The following RANBP17 variants were observed in gnomAD, a reference collection of about 807,000 sequenced individuals.
The protein encoded by RANBP17 is RAN binding protein 17.
In RANBP17, 158 loss-of-function variants were observed where a neutral mutation model predicts 141.2. The observed-to-expected ratio is 1.12, with a 90% CI of 0.98 to 1.28. The LOEUF (loss-of-function observed/expected upper bound fraction) is 1.28, where lower values mean the gene tolerates loss of function less well. Ranked by LOEUF, RANBP17 falls within the 50% of genes most tolerant of loss-of-function variation. The pLI, the probability that RANBP17 is intolerant of heterozygous loss-of-function variation, is 0.00. For synonymous variants in RANBP17, 430 were observed against 450.0 expected (o/e 0.96, Z 0.56); for missense variants, 1,438 against 1,290.7 (o/e 1.11, Z -1.75).
intron 25 of RANBP17, among the ~76,000 whole-genome samples, chr5:171,288,303 G>A (rs188904239): frequency 3.3e-5 from 5 of 152,308 alleles, no homozygotes; most frequent in East Asian, 3.9e-4. Context: ...ATCAGTAGGC[G>A]CCAAGGGTGT....
At chr5:170,880,466 C>T (rs1309073845) in intron 2 of RANBP17, among the ~76,000 whole-genome samples, 1 of 152,186 alleles carries the variant, frequency 6.6e-6, no homozygotes, top group Non-Finnish European at 1.5e-5. Flanking sequence ...ATTAACTCAT[C>T]ATCGGTAAAT....
Position 171,065,531 on chromosome 5 carries a change from G to A in RANBP17, c.1710+97154G>A, listed in dbSNP as rs1784260083. Among the ~76,000 whole-genome samples the A allele has an allele frequency of 3.3e-5, 5 of 152,118 alleles. No homozygotes were observed. The South Asian group carries it at 1.0e-3, about 32-fold the overall frequency. Reference sequence around the variant, plus strand: ...CTCATCTCCTGCTTTGTGACTCCCAGTTCCTAACAGGCTATGGACTGGTAC... The same window carrying A: ...CTCATCTCCTGCTTTGTGACTCCCAATTCCTAACAGGCTATGGACTGGTAC... On this transcript the variant is annotated intron_variant, in intron 14 of 27. Coordinates refer to ENST00000523189, the MANE Select transcript of RANBP17 (RefSeq NM_022897.5).
chr5:171,096,143 T>TAACTTTA (rs1252837208), intron 14 of RANBP17, among the ~76,000 whole-genome samples: 6 of 152,154 alleles, frequency 3.9e-5, no homozygotes, highest in African/African-American at 1.4e-4. Context: ...ATGTAACTTT[T>TAACTTTA]ATTGACAAAT....
At chr5:171,228,329 G>T (rs1167318092) in intron 22 of RANBP17, among the ~76,000 whole-genome samples, 1 of 152,162 alleles carries the variant, frequency 6.6e-6, no homozygotes, top group Admixed American at 6.5e-5. Context: ...AGACTTCAGG[G>T]GAGAAATTAA....
intron 14 of RANBP17, among the ~76,000 whole-genome samples, chr5:171,087,359 T>C (rs1785749421): frequency 6.6e-6 from 1 of 152,104 alleles, no homozygotes; most frequent in Admixed American, 6.5e-5. Context: ...TCTTTTACAT[T>C]TGCTGAGGAG....
intron 14 of RANBP17, among the ~76,000 whole-genome samples, chr5:170,979,323 G>A (rs1444929421): frequency 2.0e-5 from 3 of 152,064 alleles, no homozygotes; most frequent in Non-Finnish European, 4.4e-5. Flanking sequence ...TATTTAATTT[G>A]CAAAAGAAAT....
At chr5:171,053,907 ATATATATATATATATAT>A (rs1300752716) in intron 14 of RANBP17, among the ~76,000 whole-genome samples, 17 of 133,688 alleles carry the variant, frequency 1.3e-4, no homozygotes, top group African/African-American at 4.7e-4. Flanking sequence ...ATATATATAT[ATATATATATATATATAT>A]AATTGCTGTA....
At chr5:171,052,098 C>T (rs1782990947) in intron 14 of RANBP17, among the ~76,000 whole-genome samples, 1 of 151,918 alleles carries the variant, frequency 6.6e-6, no homozygotes, top group Non-Finnish European at 1.5e-5. Flanking sequence ...TAAATTGGGT[C>T]GTTTGACTTT....
chr5:171,036,539 C>G (rs1345255050), intron 14 of RANBP17, among the ~76,000 whole-genome samples: 1 of 152,104 alleles, frequency 6.6e-6, no homozygotes, highest in Non-Finnish European at 1.5e-5. Flanking sequence ...TGGAGTATGA[C>G]TGAACCCATC....
intron 25 of RANBP17, among the ~76,000 whole-genome samples, chr5:171,283,218 G>GT (rs1279117677): frequency 6.6e-6 from 1 of 152,134 alleles, no homozygotes; most frequent in East Asian, 1.9e-4. Flanking sequence ...CACTTAAACT[G>GT]TATCTTCTGC....
At chr5:171,086,119 C>T (rs1359310547) in intron 14 of RANBP17, among the ~76,000 whole-genome samples, 6 of 140,758 alleles carry the variant, frequency 4.3e-5, no homozygotes, top group African/African-American at 1.6e-4. Flanking sequence ...ATAGCTCTTA[C>T]TATTTTGAGA....
chr5:170,981,776 G>A (rs74449101), intron 14 of RANBP17, among the ~76,000 whole-genome samples: 1,644 of 152,108 alleles, frequency 0.011, 27 homozygotes, highest in African/African-American at 0.037. Context: ...ATGTATAAGC[G>A]GTATCTGTCT....
At chr5:171,152,188 G>C (rs1758533604) in intron 14 of RANBP17, among the ~76,000 whole-genome samples, 1 of 151,578 alleles carries the variant, frequency 6.6e-6, no homozygotes, top group Non-Finnish European at 1.5e-5. Context: ...CGAGGCAGGA[G>C]GATCACTTGA....
At chr5:170,968,439 A>C in intron 14 of RANBP17, 62 bp downstream of exon 14, 2 of 1,426,006 alleles carry the variant, frequency 1.4e-6, no homozygotes, top group Non-Finnish European at 2.0e-6. Flanking sequence ...GTACATATAT[A>C]ACTGAATGAT....
At chr5:170,902,194 A>G (rs1227409141) in intron 5 of RANBP17, among the ~76,000 whole-genome samples, 3 of 152,054 alleles carry the variant, frequency 2.0e-5, no homozygotes, top group African/African-American at 7.2e-5. Flanking sequence ...ACATAGTCCC[A>G]TATTTCTTGG....
At chr5:171,173,467 T>A (rs1443446419) in intron 16 of RANBP17, among the ~76,000 whole-genome samples, 1 of 152,084 alleles carries the variant, frequency 6.6e-6, no homozygotes, top group Non-Finnish European at 1.5e-5. Flanking sequence ...TGAAGTTTTT[T>A]AATGTTCTTT....
chr5:171,174,895 C>T (rs1198061823), intron 16 of RANBP17, among the ~76,000 whole-genome samples: 2 of 151,770 alleles, frequency 1.3e-5, no homozygotes, highest in Non-Finnish European at 2.9e-5. Flanking sequence ...TGGTTTGCTG[C>T]ACCCATCAAC....
intron 14 of RANBP17, among the ~76,000 whole-genome samples, chr5:171,014,392 T>G (rs993784883): frequency 6.6e-6 from 1 of 152,068 alleles, no homozygotes; most frequent in African/African-American, 2.4e-5. Flanking sequence ...CAATGGATTT[T>G]TGCCTTTCTT....
At chr5:171,044,224 C>G (rs989597974) in intron 14 of RANBP17, among the ~76,000 whole-genome samples, 1 of 151,940 alleles carries the variant, frequency 6.6e-6, no homozygotes, top group African/African-American at 2.4e-5. Flanking sequence ...CCGGTGAAAT[C>G]TGTATTCTTA....
Sources: allele counts gnomAD v4.1 joint callset (sites outside exome capture counted in the v4.1 genomes callset), GRCh38; gene constraint gnomAD v4.1.1; transcripts MANE v1.5; gene names NCBI Gene and HGNC (gene_info 2026-07-23, HGNC 2026-07-21).